The following PALLD variants were observed in gnomAD, a reference collection of about 807,000 sequenced individuals.
The protein encoded by PALLD is palladin.
Under a neutral mutation model 123.5 loss-of-function variants are expected in PALLD, and 61 were observed. The ratio of observed to expected loss-of-function variants is 0.49; its 90% CI spans 0.40 to 0.61. PALLD has a LOEUF of 0.61. Ranked by LOEUF, PALLD falls within the 20% of genes least tolerant of loss-of-function variation. PALLD has a pLI of 0.00. For missense variants in PALLD, 1,273 were observed against 1,377.0 expected, an observed-to-expected ratio of 0.92 and a Z score of 1.20; for synonymous variants, 465 against 496.4, an observed-to-expected ratio of 0.94 and a Z score of 0.84.
intron 2 of PALLD, among the ~76,000 whole-genome samples, chr4:168,554,365 C>T (rs1288420209): frequency 3.3e-5 from 5 of 152,048 alleles, no homozygotes; most frequent in Admixed American, 6.5e-5. Context: ...CTCTTCAGAC[C>T]GCCAATGATT....
chr4:168,863,493 G>A (rs531628919), intron 10 of PALLD, among the ~76,000 whole-genome samples: 2 of 152,198 alleles, frequency 1.3e-5, no homozygotes, highest in African/African-American at 4.8e-5. Flanking sequence ...GGCGGAGACA[G>A]GCAAAGAGGG....
At chr4:168,730,806 A>T (rs1787096568) in intron 10 of PALLD, among the ~76,000 whole-genome samples, 1 of 152,112 alleles carries the variant, frequency 6.6e-6, no homozygotes, top group African/African-American at 2.4e-5. Context: ...GTTGGCTTTT[A>T]TCATTTAGTA....
At chr4:168,836,948 A>T (rs1745287442) in intron 10 of PALLD, among the ~76,000 whole-genome samples, 1 of 152,164 alleles carries the variant, frequency 6.6e-6, no homozygotes, top group South Asian at 2.1e-4. Flanking sequence ...GGGAAAATGC[A>T]CTCAGAGCTC....
chr4:168,793,246 T>C (rs1411273048), intron 10 of PALLD, among the ~76,000 whole-genome samples: 2 of 19,432 alleles, frequency 1.0e-4, no homozygotes, highest in African/African-American at 3.8e-4. Context: ...TATATATGTG[T>C]GCATATATAT....
chr4:168,732,307 G>A (rs1245894505), intron 10 of PALLD, among the ~76,000 whole-genome samples: 2 of 152,200 alleles, frequency 1.3e-5, no homozygotes, highest in Non-Finnish European at 2.9e-5. Context: ...ACGGGCAGGT[G>A]ATTGATTGAC....
At chr4:168,865,407 G>C (rs1050444827) in intron 10 of PALLD, among the ~76,000 whole-genome samples, 2 of 152,162 alleles carry the variant, frequency 1.3e-5, no homozygotes, top group Non-Finnish European at 2.9e-5. Context: ...TTCACACCAC[G>C]GACCCTTTGG....
rs563458965 is a variant in PALLD at position 168,641,194 on chromosome 4, C to T, written c.909-26996C>T. ...CGGCACTCCAGCCTGGGCGACAGAG[C>T]GAGACTCCATCTCAAAAAAAAAAAA... On this transcript the variant is annotated intron_variant, in intron 2 of 21. Coordinates refer to ENST00000505667, the MANE Select transcript of PALLD (RefSeq NM_001166108.2). 3.5e-5 allele frequency among the ~76,000 whole-genome samples: 5 copies of T among 143,758 alleles called. No individual in the cohort carries two copies. In the South Asian group the frequency reaches 6.6e-4, roughly 19 times the overall value. 94.3% of individuals were successfully genotyped at this position (143,758 alleles called of 152,430 possible).
chr4:168,816,822 G>C (rs1211867553), intron 10 of PALLD, among the ~76,000 whole-genome samples: 1 of 752 alleles, frequency 1.3e-3, no homozygotes, highest in African/African-American at 6.0e-3. Flanking sequence ...AGCCCCGTGT[G>C]TGTGTGTGTG....
intron 10 of PALLD, among the ~76,000 whole-genome samples, chr4:168,740,193 A>G (rs1274391770): frequency 6.6e-6 from 1 of 152,192 alleles, no homozygotes; most frequent in Admixed American, 6.5e-5. Flanking sequence ...AGCACTGGGA[A>G]ACATCTTAAA....
chr4:168,587,571 G>A (rs1770960473), intron 2 of PALLD, among the ~76,000 whole-genome samples: 1 of 152,144 alleles, frequency 6.6e-6, no homozygotes, highest in Non-Finnish European at 1.5e-5. Flanking sequence ...AAGGACAGCT[G>A]TGCCAGCATC....
intron 2 of PALLD, among the ~76,000 whole-genome samples, chr4:168,667,552 C>T (rs554934635): frequency 2.6e-5 from 4 of 152,224 alleles, no homozygotes; most frequent in South Asian, 4.1e-4. Context: ...ATTTCCCACA[C>T]GAAGGACCTG....
chr4:168,918,325 G>GAAATAT (rs1553981956), intron 17 of PALLD, among the ~76,000 whole-genome samples: 1 of 149,460 alleles, frequency 6.7e-6, no homozygotes, highest in Non-Finnish European at 1.5e-5. Context: ...GAAAATATGA[G>GAAATAT]ATATATATAT....
At chr4:168,758,978 C>T (rs1732291491) in intron 10 of PALLD, among the ~76,000 whole-genome samples, 2 of 151,184 alleles carry the variant, frequency 1.3e-5, no homozygotes, top group African/African-American at 2.4e-5. Flanking sequence ...AGTTCAAGAC[C>T]AGCCTGGCCA....
At chr4:168,850,392 C>T (rs1443208134) in intron 10 of PALLD, among the ~76,000 whole-genome samples, 4 of 152,094 alleles carry the variant, frequency 2.6e-5, no homozygotes, top group Non-Finnish European at 5.9e-5. Context: ...TAAAATCCTT[C>T]ATAAAAGTCC....
intron 10 of PALLD, among the ~76,000 whole-genome samples, chr4:168,827,837 C>A (rs750863159): frequency 6.6e-6 from 1 of 152,144 alleles, no homozygotes; most frequent in East Asian, 1.9e-4. Flanking sequence ...ATCAGAAGTT[C>A]GAGACCAGTC....
intron 10 of PALLD, among the ~76,000 whole-genome samples, chr4:168,847,464 A>G (rs1399664304): frequency 3.3e-5 from 5 of 152,212 alleles, no homozygotes; most frequent in Non-Finnish European, 7.3e-5. Flanking sequence ...CATATGCTTC[A>G]TCCAACTTTT....
intron 3 of PALLD, among the ~76,000 whole-genome samples, chr4:168,671,087 G>T (rs940372873): frequency 3.3e-4 from 50 of 151,444 alleles, no homozygotes; most frequent in African/African-American, 1.2e-3. Flanking sequence ...GAAATCGAAA[G>T]CATTTTAAGA....
Position 168,927,281 on chromosome 4 carries a change from C to CAGGAGAGGTAG in PALLD, c.*1102_*1112dup. 4.3e-6 allele frequency: 1 copy of CAGGAGAGGTAG among 231,192 alleles called. No homozygotes were observed. The highest frequency in any genetic ancestry group is 1.8e-4 in the South Asian group (1 of 5,502). 14.3% of individuals were successfully genotyped at this position (231,192 alleles called of 1,614,324 possible). On this transcript the variant is annotated 3_prime_UTR_variant, in exon 22 of 22. Transcript: ENST00000505667. ...TTCATTTAGATAAAAGTAGAAGGCA[C>CAGGAGAGGTAG]AGGAGAGGTAGCAAAGGCCAGGCTT...
chr4:168,750,633 CAAGTTGAAATCAAAGA>C (rs1730935841), intron 10 of PALLD, among the ~76,000 whole-genome samples: 1 of 151,892 alleles, frequency 6.6e-6, no homozygotes, highest in South Asian at 2.1e-4. Flanking sequence ...TCTTAGTTAC[CAAGTTGAAATCAAAGA>C]TAGATTTTTC....
Sources: gnomAD v4.1 joint callset for allele counts (sites outside exome capture counted in the v4.1 genomes callset) on GRCh38, gnomAD v4.1.1 for gene constraint, MANE v1.5 for transcripts, NCBI Gene and HGNC (gene_info 2026-07-23, HGNC 2026-07-21) for gene names.